The following SWT1 variants were observed in gnomAD, a reference collection of about 807,000 sequenced individuals.
SWT1 encodes the protein SWT1 RNA endoribonuclease homolog, also known as transcriptional protein SWT1.
SWT1 carries 33 observed loss-of-function variants against 107.3 expected under a neutral mutation model. That is an observed-to-expected ratio of 0.31 (90% CI 0.23 to 0.41). SWT1 has a LOEUF of 0.41. Among genes scored for constraint, SWT1 ranks in the 10% least tolerant of loss-of-function variants. The pLI is 1.00. For synonymous variants in SWT1, 345 were observed against 348.3 expected, an observed-to-expected ratio of 0.99 and a Z score of 0.11; for missense variants, 898 against 1,028.9, an observed-to-expected ratio of 0.87 and a Z score of 1.74.
At chr1:185,258,993 C>G (rs184829714) in intron 16 of SWT1, among the ~76,000 whole-genome samples, 1 of 152,192 alleles carries the variant, frequency 6.6e-6, no homozygotes, top group Non-Finnish European at 1.5e-5. Flanking sequence ...TTTTTTCCAT[C>G]TCTTTTATTC....
At chr1:185,195,094 A>T (rs1203118113) in intron 10 of SWT1, among the ~76,000 whole-genome samples, 1 of 152,072 alleles carries the variant, frequency 6.6e-6, no homozygotes, top group East Asian at 1.9e-4. Flanking sequence ...GATTTGCTGC[A>T]CCCATCAACC....
At chr1:185,276,709 G>C (rs1664263059) in intron 18 of SWT1, 41 bp downstream of exon 18, 1 of 1,155,168 alleles carries the variant, frequency 8.7e-7, no homozygotes, top group African/African-American at 1.6e-5. Flanking sequence ...ATTGTAACAA[G>C]CTTTTCCATA....
intron 16 of SWT1, among the ~76,000 whole-genome samples, chr1:185,250,566 T>A (rs888919337): frequency 1.3e-5 from 2 of 152,190 alleles, no homozygotes; most frequent in African/African-American, 4.8e-5. Context: ...TCATCCCAAC[T>A]CCTTTGTGCC....
chr1:185,212,471 G>C (rs1429646425), intron 13 of SWT1, among the ~76,000 whole-genome samples: 1 of 152,088 alleles, frequency 6.6e-6, no homozygotes. Context: ...TGTATCTTCT[G>C]CTGAAAAATC....
chr1:185,193,128 GTGACTCTTTCTC>G, intron 10 of SWT1, among the ~76,000 whole-genome samples: 1 of 152,078 alleles, frequency 6.6e-6, no homozygotes, highest in African/African-American at 2.4e-5. Flanking sequence ...AATTTCCCTT[GTGACTCTTTCTC>G]TGACCCATAG....
chr1:185,210,571 C>T lies in SWT1; in HGVS notation c.1972+3808C>T, dbSNP rs553918500. On this transcript the variant is annotated intron_variant, in intron 13 of 18. Coordinates refer to ENST00000367500, the MANE Select transcript of SWT1 (RefSeq NM_017673.7). ...TAAATAGCTCTTAAGCTGTGTATGA[C>T]AAACCCACAGCCAATATCATACTGA... is the stretch of plus-strand genomic sequence containing the variant. Among the ~76,000 whole-genome samples, 7 of 152,264 alleles carry T rather than the reference C, an allele frequency of 4.6e-5. No homozygotes were observed. In the South Asian group the frequency reaches 1.2e-3, roughly 27 times the overall value.
rs1341875857 is a variant in SWT1, at chr1:185,158,175, C to A, written c.-10+861C>A. 3.3e-5 allele frequency among the ~76,000 whole-genome samples: 5 copies of A among 152,104 alleles called. No individual in the cohort carries two copies. In the East Asian group the frequency reaches 7.7e-4, roughly 23 times the overall value. ...ATTTGTTTCCTACTTGTTTCAGAAC[C>A]CCGGGGAAGAGATAGCATGATTATT... On this transcript the variant is annotated intron_variant, in intron 1 of 18. Transcript: ENST00000367500.
chr1:185,210,715 A>G (rs188697412), intron 13 of SWT1, among the ~76,000 whole-genome samples: 3 of 152,262 alleles, frequency 2.0e-5, no homozygotes, highest in Non-Finnish European at 4.4e-5. Context: ...GACAAGAGAA[A>G]TAAATACAGT....
chr1:185,264,157 T>C (rs1289059117), intron 16 of SWT1: 4 of 171,376 alleles, frequency 2.3e-5, no homozygotes, highest in Non-Finnish European at 4.7e-5. Context: ...TCTCTACTAA[T>C]AACAATCATG....
rs576253778 is a variant in SWT1, at chr1:185,257,514, G to A, written c.2442-13809G>A. On this transcript the variant is annotated intron_variant, in intron 16 of 18. Transcript: ENST00000367500. ...CGTTTTTTAAGCCGGTCGGAAAAGC[G>A]CAGTATTCGGGTGGGAGTGACCCGA... Among the ~76,000 whole-genome samples, 19 of 152,122 alleles carry A rather than the reference G, an allele frequency of 1.2e-4. No homozygotes were observed. The East Asian group carries it at 2.1e-3, about 17-fold the overall frequency.
chr1:185,182,173 G>A (rs920732146), intron 7 of SWT1, 116 bp downstream of exon 7: 4 of 1,020,488 alleles, frequency 3.9e-6, no homozygotes, highest in East Asian at 2.6e-5. Flanking sequence ...CACTTGAAAT[G>A]AATGATAAAG....
intron 16 of SWT1, among the ~76,000 whole-genome samples, chr1:185,262,824 G>T (rs1410947326): frequency 1.4e-5 from 2 of 144,714 alleles, no homozygotes; most frequent in African/African-American, 2.6e-5. Flanking sequence ...CTCACTCCCT[G>T]TGCCCAGGCT....
chr1:185,238,364 G>A (rs1487235180), intron 16 of SWT1, among the ~76,000 whole-genome samples: 1 of 152,060 alleles, frequency 6.6e-6, no homozygotes, highest in Non-Finnish European at 1.5e-5. Context: ...AGCATTTCAT[G>A]GGGTTACTAT....
chr1:185,182,668 CAAAAAAAAAAAAAAAAA>C (rs59326029), intron 7 of SWT1, among the ~76,000 whole-genome samples: 1 of 67,022 alleles, frequency 1.5e-5, no homozygotes, highest in African/African-American at 5.6e-5. Context: ...CTCTCTCTCT[CAAAAAAAAAAAAAAAAA>C]AAAAAAAGAA....
rs555420463 is a variant in SWT1 at position 185,226,616 on chromosome 1, A to G, written c.2309+4580A>G. On this transcript the variant is annotated intron_variant, in intron 15 of 18. Transcript: ENST00000367500. Reference sequence around the variant, plus strand: ...TAGCTCATCAGGTCAGGTTTTTGGTATCTTTTCTACTTACAAGGAATTTAG... The same window carrying G: ...TAGCTCATCAGGTCAGGTTTTTGGTGTCTTTTCTACTTACAAGGAATTTAG... 2.2e-3 allele frequency among the ~76,000 whole-genome samples: 328 copies of G among 152,248 alleles called. 1 individual carries two copies. The highest frequency in any genetic ancestry group is 7.7e-3 in the African/African-American group (318 of 41,538).
At chr1:185,158,687 G>A (rs1443902640) in intron 1 of SWT1, among the ~76,000 whole-genome samples, 1 of 152,098 alleles carries the variant, frequency 6.6e-6, no homozygotes, top group Admixed American at 6.5e-5. Context: ...TCTAAGCATG[G>A]TCTGTGCTTG....
At chr1:185,266,824 G>T (rs1175901179) in intron 16 of SWT1, among the ~76,000 whole-genome samples, 1 of 152,142 alleles carries the variant, frequency 6.6e-6, no homozygotes, top group Non-Finnish European at 1.5e-5. Context: ...GCTAGTGAGT[G>T]TCAGTTCTGT....
intron 10 of SWT1, among the ~76,000 whole-genome samples, chr1:185,196,270 T>C (rs1326839840): frequency 6.6e-6 from 1 of 152,212 alleles, no homozygotes; most frequent in East Asian, 1.9e-4. Flanking sequence ...CATTGCTTGT[T>C]TTTGTCAGGT....
At chr1:185,200,944 C>T (rs578142427) in intron 10 of SWT1, among the ~76,000 whole-genome samples, 4 of 152,172 alleles carry the variant, frequency 2.6e-5, no homozygotes, top group African/African-American at 9.6e-5. Flanking sequence ...CAGAGGTGCC[C>T]TGCCCAGAGA....
Sources: allele counts gnomAD v4.1 joint callset (sites outside exome capture counted in the v4.1 genomes callset), GRCh38; gene constraint gnomAD v4.1.1; transcripts MANE v1.5; gene names NCBI Gene and HGNC (gene_info 2026-07-23, HGNC 2026-07-21).